The following RBFOX1 variants were observed in gnomAD, a reference collection of about 807,000 sequenced individuals.
The protein encoded by RBFOX1 is RNA binding protein fox-1 homolog 1.
RBFOX1 carries 8 observed loss-of-function variants against 57.7 expected under a neutral mutation model. The observed-to-expected ratio is 0.14, with a 90% confidence interval of 0.08 to 0.25. The LOEUF is 0.25. RBFOX1 is among the 10% of genes least tolerant of loss of function. RBFOX1 has a pLI of 1.00. For missense variants in RBFOX1, 611 were observed against 548.5 expected (o/e 1.11, Z -1.14); for synonymous variants, 326 against 222.4 (o/e 1.47, Z -4.15).
At chr16:6,997,862 G>T (rs919465781) in intron 3 of RBFOX1, among the ~76,000 whole-genome samples, 1 of 152,048 alleles carries the variant, frequency 6.6e-6, no homozygotes, top group Non-Finnish European at 1.5e-5. Flanking sequence ...ACAGTTATCA[G>T]AACACCAGTT....
At chr16:6,197,291 G>A (rs1179927456) in intron 1 of RBFOX1, among the ~76,000 whole-genome samples, 2 of 151,776 alleles carry the variant, frequency 1.3e-5, no homozygotes, top group South Asian at 4.2e-4. Flanking sequence ...TTCCAAGCTT[G>A]AGACTCATAT....
chr16:6,951,480 C>T (rs1041271146), intron 3 of RBFOX1, among the ~76,000 whole-genome samples: 19 of 152,078 alleles, frequency 1.2e-4, no homozygotes, highest in Admixed American at 3.3e-4. Flanking sequence ...TACATAGTGG[C>T]TGAGTCTGGG....
chr16:5,808,180 C>T lies in RBFOX1; in HGVS notation c.319-59123C>T, dbSNP rs1049046776. Among the ~76,000 whole-genome samples the T allele has an allele frequency of 2.6e-5, 4 of 152,124 alleles. No individual in the cohort carries two copies. The South Asian group carries it at 8.3e-4, about 31-fold the overall frequency. ...GATAAAATGAGGCCGTTAGGATGGGCCTTAATGGCCTCATTAGGACAGAGG... is the reference window on the plus strand; with the variant it reads ...GATAAAATGAGGCCGTTAGGATGGGTCTTAATGGCCTCATTAGGACAGAGG... On this transcript the variant is annotated intron_variant, in intron 3 of 19. Transcript: ENST00000641259.
intron 4 of RBFOX1, among the ~76,000 whole-genome samples, chr16:7,348,830 C>T (rs1264252028): frequency 6.6e-6 from 1 of 151,954 alleles, no homozygotes; most frequent in African/African-American, 2.4e-5. Flanking sequence ...TAATCCCAGC[C>T]CCTTGGGAGG....
chr16:6,654,902 G>C (rs1010107024), intron 3 of RBFOX1, among the ~76,000 whole-genome samples: 1 of 152,098 alleles, frequency 6.6e-6, no homozygotes, highest in Non-Finnish European at 1.5e-5. Context: ...TTCTGTTTCA[G>C]TCATACCCTT....
intron 5 of RBFOX1, among the ~76,000 whole-genome samples, chr16:7,537,827 T>C (rs1383400656): frequency 2.0e-5 from 3 of 152,236 alleles, no homozygotes; most frequent in South Asian, 2.1e-4. Context: ...TTGAAAATTA[T>C]GCATTGGAAA....
chr16:5,995,537 T>C lies in RBFOX1; in HGVS notation c.351+128202T>C, dbSNP rs186300736. Among the ~76,000 whole-genome samples the C allele has an allele frequency of 2.6e-5, 4 of 152,326 alleles. No individual in the cohort carries two copies. The East Asian group carries it at 7.7e-4, about 29-fold the overall frequency. On this transcript the variant is annotated intron_variant, in intron 4 of 19. Transcript: ENST00000641259. ...CAAGTGGAATAAGGATACAGAAATG[T>C]GAGAGGGGACAAAGAAATCTTTGTG...
At chr16:7,028,897 A>G (rs1597420269) in intron 3 of RBFOX1, among the ~76,000 whole-genome samples, 1 of 151,126 alleles carries the variant, frequency 6.6e-6, no homozygotes, top group South Asian at 2.1e-4. Context: ...CCACTCAGCT[A>G]TGTGTTGCTA....
chr16:7,340,260 C>A (rs185948473), intron 4 of RBFOX1, among the ~76,000 whole-genome samples: 1 of 152,354 alleles, frequency 6.6e-6, no homozygotes, highest in East Asian at 1.9e-4. Context: ...CACAGACATT[C>A]AAACCTGTGC....
Position 5,975,116 on chromosome 16 carries a change from G to C in RBFOX1, c.351+107781G>C, listed in dbSNP as rs534855584. Among the ~76,000 whole-genome samples, 23 of 152,304 alleles carry C rather than the reference G, an allele frequency of 1.5e-4. No homozygotes were observed. In the East Asian group the frequency reaches 3.9e-3, roughly 26 times the overall value. ...AAACAACAACAACAAAAGTGCCTTT[G>C]ATGCCTATGTTGTTTAGTACTTAAT... On this transcript the variant is annotated intron_variant, in intron 4 of 19. Coordinates refer to the RBFOX1 transcript ENST00000641259.
At chr16:5,255,334 A>ATCCATCCCTCCATCCATCCATCCATCCC in intron 1 of RBFOX1, among the ~76,000 whole-genome samples, 1 of 137,018 alleles carries the variant, frequency 7.3e-6, no homozygotes. Context: ...CCATCCATCC[A>ATCCATCCCTCCATCCATCCATCCATCCC]TCCATCCATC....
intron 14 of RBFOX1, among the ~76,000 whole-genome samples, chr16:7,691,094 T>C (rs1351869584): frequency 1.3e-5 from 2 of 152,124 alleles, no homozygotes; most frequent in African/African-American, 2.4e-5. Flanking sequence ...TTCTGGGATG[T>C]AGTGGGATTG....
chr16:5,480,700 C>T (rs2069510142), intron 2 of RBFOX1, among the ~76,000 whole-genome samples: 1 of 152,206 alleles, frequency 6.6e-6, no homozygotes, highest in Non-Finnish European at 1.5e-5. Flanking sequence ...ATTCATAACA[C>T]ACTCTTTTGT....
At chr16:6,375,365 T>C (rs76835119) in intron 2 of RBFOX1, among the ~76,000 whole-genome samples, 3,593 of 151,296 alleles carry the variant, frequency 0.024, 145 homozygotes, top group African/African-American at 0.082. Context: ...AAAATAATTC[T>C]ATAAATGAAA....
intron 3 of RBFOX1, among the ~76,000 whole-genome samples, chr16:5,614,215 C>G (rs2047934767): frequency 1.3e-5 from 2 of 152,066 alleles, no homozygotes; most frequent in South Asian, 4.1e-4. Context: ...TTTTTTCCCT[C>G]TACAACTGAG....
chr16:5,898,871 G>A (rs998753128), intron 4 of RBFOX1, among the ~76,000 whole-genome samples: 1 of 150,634 alleles, frequency 6.6e-6, no homozygotes, highest in African/African-American at 2.5e-5. Context: ...ATCAGCCTGG[G>A]CAACATAGTG....
chr16:6,316,127 C>T (rs530548402), intron 1 of RBFOX1, among the ~76,000 whole-genome samples: 25 of 152,216 alleles, frequency 1.6e-4, no homozygotes, highest in South Asian at 1.5e-3. Flanking sequence ...AAAGTAGTCC[C>T]GTCTCTGCTA....
In RBFOX1 at chr16:6,391,525, GA is replaced by G. The variant is rs78469307; in HGVS notation, c.-64+74476del. ...ACTCCGTCTCAAAAAAAAAAAAAAAGAAAAAAAAGTATCATGATTTGATTCA... is the reference window on the plus strand; with the variant it reads ...ACTCCGTCTCAAAAAAAAAAAAAAAGAAAAAAAGTATCATGATTTGATTCA... On this transcript the variant is annotated intron_variant, in intron 2 of 15. Transcript: ENST00000550418. Among the ~76,000 whole-genome samples the G allele has an allele frequency of 9.9e-3, 1,436 of 145,452 alleles. 23 individuals carry two copies. The highest frequency in any genetic ancestry group is 0.036 in the African/African-American group (1,355 of 38,130).
At chr16:6,310,472 G>A (rs574738888) in intron 1 of RBFOX1, among the ~76,000 whole-genome samples, 9 of 152,318 alleles carry the variant, frequency 5.9e-5, no homozygotes, top group East Asian at 5.8e-4. Flanking sequence ...TTTGGCTCCA[G>A]TAATATTTAT....
Sources: allele counts gnomAD v4.1 joint callset (sites outside exome capture counted in the v4.1 genomes callset), GRCh38; gene constraint gnomAD v4.1.1; transcripts MANE v1.5; gene names NCBI Gene and HGNC (gene_info 2026-07-23, HGNC 2026-07-21).